Variants in BRF1 observed in about 807,000 individuals in gnomAD.
The protein encoded by BRF1 is transcription factor IIIB 90 kDa subunit.
BRF1 carries 59 observed loss-of-function variants against 81.7 expected under a neutral mutation model. The observed-to-expected ratio is 0.72, with a 90% confidence interval of 0.59 to 0.90. The LOEUF is 0.90. Ranked by LOEUF, BRF1 falls within the 40% of genes least tolerant of loss-of-function variation. The probability of loss-of-function intolerance (pLI) is 0.00; values close to 1 mark genes in which losing one functional copy is unlikely to be tolerated. For synonymous variants in BRF1, 491 were observed against 395.6 expected (o/e 1.24, Z -2.86); for missense variants, 1,050 against 936.3 (o/e 1.12, Z -1.58).
At chr14:105,262,463 T>A (rs1279054056) in intron 3 of BRF1, among the ~76,000 whole-genome samples, 1 of 152,122 alleles carries the variant, frequency 6.6e-6, no homozygotes, top group African/African-American at 2.4e-5. Flanking sequence ...CCCTGCACAG[T>A]GACTAAATCC....
Position 105,272,833 on chromosome 14 carries a change from G to T in BRF1, c.327C>A (p.Thr109=). 6.2e-7 allele frequency: 1 copy of T among 1,614,054 alleles called. No individual in the cohort carries two copies. The highest frequency in any genetic ancestry group is 8.5e-7 in the Non-Finnish European group (1 of 1,180,004). The change falls in exon 3 of 18, where the codon ACC becomes ACA. Residue 109 remains threonine (T), a synonymous_variant. Transcript: ENST00000547530. ...CGGCCATCTTGAAGAAGTTGAAGGC[G>T]GTGTCCAGGCAGTGCTGGTTCAGCT... The part of the protein sequence containing the change: ...QLQLNQHCLD[T]AFNFFKMAVS...
chr14:105,278,546 A>T (rs1156296269), intron 2 of BRF1, among the ~76,000 whole-genome samples: 1 of 152,190 alleles, frequency 6.6e-6, no homozygotes, highest in Non-Finnish European at 1.5e-5. Context: ...AGTAGATAAG[A>T]ATTTCTTGAA....
intron 15 of BRF1, chr14:105,212,935 A>G (rs587747809): frequency 1.3e-5 from 2 of 152,356 alleles, no homozygotes; most frequent in East Asian, 3.9e-4. Flanking sequence ...CCTTAGCAGA[A>G]CATCTAGACG....
chr14:105,250,151 C>T (rs147404751), intron 5 of BRF1: 12 of 1,612,892 alleles, frequency 7.4e-6, no homozygotes, highest in African/African-American at 4.0e-5. Context: ...CAGCATCTTC[C>T]TGTGGTACAC....
At position 105,209,932 on chromosome 14, in the gene BRF1, G is replaced by A. The variant is rs777263134; in HGVS notation, c.*619C>T. 2 of 370,966 alleles carry A rather than the reference G, an allele frequency of 5.4e-6. No homozygotes were observed. The highest frequency in any genetic ancestry group is 1.7e-4 in the South Asian group (2 of 12,050). 23.0% of individuals were successfully genotyped at this position (370,966 alleles called of 1,614,324 possible). On this transcript the variant is annotated 3_prime_UTR_variant, in exon 18 of 18. Transcript: ENST00000547530. Reference sequence around the variant, plus strand: ...GGGGAGGGGGGTCTGGAGGAGGCAGGGGTGGGGGTGTCTGCCTCGGACGAG... The same window carrying A: ...GGGGAGGGGGGTCTGGAGGAGGCAGAGGTGGGGGTGTCTGCCTCGGACGAG...
intron 10 of BRF1, chr14:105,222,124 G>C (rs1215244425): frequency 7.4e-6 from 4 of 541,154 alleles, no homozygotes; most frequent in South Asian, 2.9e-5. Flanking sequence ...CCTAGGGGGA[G>C]AGTTAAAGTA....
upstream of BRF1, among the ~76,000 whole-genome samples, chr14:105,304,822 C>T (rs1190706163): frequency 6.6e-6 from 1 of 152,234 alleles, no homozygotes; most frequent in East Asian, 1.9e-4. Context: ...GGGAAACTCC[C>T]TCTTATAAAA....
At chr14:105,302,252 G>A (rs2058061393), upstream of BRF1, among the ~76,000 whole-genome samples, 1 of 146,030 alleles carries the variant, frequency 6.8e-6, no homozygotes, top group Admixed American at 6.9e-5. Flanking sequence ...TGCCCAGGCT[G>A]GAGTGCAGTG....
chr14:105,248,034 T>G (rs886582693), intron 5 of BRF1: 1 of 985,314 alleles, frequency 1.0e-6, no homozygotes, highest in East Asian at 1.1e-4. Flanking sequence ...GATCCTGACT[T>G]GCCCACCCGC....
In BRF1 at chr14:105,309,908, C is replaced by A. The variant is rs2058300421; in HGVS notation, c.-162+5414G>T. On this transcript the variant is annotated intron_variant, in intron 1 of 17. Coordinates refer to the BRF1 transcript ENST00000327359. The surrounding 1 kb of genome is among the most constrained non-coding windows in gnomAD (Gnocchi z 4.0). ...TCAAGCAATTCTCCTGTCTCAGCCT[C>A]CCGACTAGCTGGGACTACAGGCGCC... 6.6e-6 allele frequency among the ~76,000 whole-genome samples: 1 copy of A among 151,328 alleles called. No homozygotes were observed. The highest frequency in any genetic ancestry group is 1.5e-5 in the Non-Finnish European group (1 of 67,874).
intron 5 of BRF1, among the ~76,000 whole-genome samples, chr14:105,251,855 TGC>T (rs1159189976): frequency 6.6e-6 from 1 of 152,026 alleles, no homozygotes; most frequent in African/African-American, 2.4e-5. Flanking sequence ...GGTTAGATTC[TGC>T]ATGCATGAAC....
chr14:105,253,618 CAG>C (rs2055725682), intron 4 of BRF1, among the ~76,000 whole-genome samples: 2 of 152,222 alleles, frequency 1.3e-5, no homozygotes, highest in Non-Finnish European at 2.9e-5. Flanking sequence ...AGGCAAGAGA[CAG>C]AGGCAAGAGC....
chr14:105,214,884 AC>A, intron 15 of BRF1, among the ~76,000 whole-genome samples: 1 of 151,396 alleles, frequency 6.6e-6, no homozygotes, highest in East Asian at 1.9e-4. Context: ...CTTTTTCCTC[AC>A]CCGAGTGTGG....
intron 2 of BRF1, among the ~76,000 whole-genome samples, chr14:105,282,686 A>G (rs1442144387): frequency 6.6e-6 from 1 of 152,248 alleles, no homozygotes; most frequent in African/African-American, 2.4e-5. Flanking sequence ...TAATTCAAGC[A>G]CTTTGGGAGG....
intron 1 of BRF1, 116 bp downstream of exon 1, chr14:105,300,328 CCG>C: frequency 8.4e-7 from 1 of 1,189,098 alleles, no homozygotes; most frequent in Non-Finnish European, 1.1e-6. Flanking sequence ...CGGCGCAGAA[CCG>C]CGCGCCCCGA....
At chr14:105,250,221 A>G in intron 5 of BRF1, 1 of 1,612,974 alleles carries the variant, frequency 6.2e-7, no homozygotes, top group East Asian at 2.2e-5. Flanking sequence ...CTCGCCCCGC[A>G]GAGGTGCCAC....
Position 105,220,134 on chromosome 14 carries a change from G to A in BRF1, c.1316-4C>T. On this transcript the variant is annotated splice_region_variant and splice_polypyrimidine_tract_variant and intron_variant, in intron 11 of 17. Coordinates refer to ENST00000547530, the MANE Select transcript of BRF1 (RefSeq NM_001519.4). ...TCACCGTCTCCTGAAGCATCTTCTGGAGGGAAGCACAGCATCCGCGTCACT... is the reference window on the plus strand; with the variant it reads ...TCACCGTCTCCTGAAGCATCTTCTGAAGGGAAGCACAGCATCCGCGTCACT... The A allele has an allele frequency of 6.2e-7, 1 of 1,613,400 alleles. No homozygotes were observed. The highest frequency in any genetic ancestry group is 1.6e-4 in the Middle Eastern group (1 of 6,062).
chr14:105,246,741 G>C, intron 5 of BRF1: 1 of 908,694 alleles, frequency 1.1e-6, no homozygotes, highest in South Asian at 5.2e-5. Context: ...ACAGGCGTGA[G>C]CCACCGCGCC....
In BRF1 at chr14:105,210,810, C is replaced by T. The variant is rs1013793726; in HGVS notation, c.1997-222G>A. On this transcript the variant is annotated intron_variant, in intron 17 of 17. Transcript: ENST00000547530. The surrounding 1 kb of genome is among the most constrained non-coding windows in gnomAD (Gnocchi z 4.7). ...GCTCCTCGTCGAGGGCACCTGAGAG[C>T]AGTGTGGGCTCCCTCAGCCTCCCTC... Among the ~76,000 whole-genome samples, 5 of 152,078 alleles carry T rather than the reference C, an allele frequency of 3.3e-5. No homozygotes were observed. The highest frequency in any genetic ancestry group is 5.9e-5 in the Non-Finnish European group (4 of 68,012).
Sources: gnomAD v4.1 joint callset for allele counts (sites outside exome capture counted in the v4.1 genomes callset) on GRCh38, gnomAD v4.1.1 for gene constraint, Gnocchi (gnomAD v3.1) non-coding constraint, MANE v1.5 for transcripts, NCBI Gene and HGNC (gene_info 2026-07-23, HGNC 2026-07-21) for gene names.